The following PLD5 variants were observed in gnomAD, a reference collection of about 807,000 sequenced individuals.
PLD5 encodes inactive phospholipase D5.
A neutral mutation model predicts 61.1 loss-of-function variants in PLD5; 36 were observed. The observed-to-expected ratio is 0.59, with a 90% CI of 0.45 to 0.78. The LOEUF is 0.78. Among genes scored for constraint, PLD5 ranks in the 30% least tolerant of loss-of-function variants. The pLI is 0.00. For synonymous variants in PLD5, 243 were observed against 242.8 expected (o/e 1.00, Z -0.01); for missense variants, 515 against 644.4 (o/e 0.80, Z 2.17).
chr1:242,276,222 T>C (rs918282227), intron 3 of PLD5, among the ~76,000 whole-genome samples: 2 of 150,962 alleles, frequency 1.3e-5, no homozygotes, highest in Non-Finnish European at 2.9e-5. Context: ...CCTATAGTTC[T>C]AGCTACTTGA....
intron 5 of PLD5, among the ~76,000 whole-genome samples, chr1:242,136,367 G>A (rs533260526): frequency 8.5e-5 from 13 of 152,198 alleles, no homozygotes; most frequent in African/African-American, 2.6e-4. Context: ...GTGCTGTATC[G>A]TAATATACTC....
rs189262394 is a variant in PLD5, at chr1:242,425,735, C to T, written c.190-77493G>A. 3.0e-3 allele frequency among the ~76,000 whole-genome samples: 458 copies of T among 151,552 alleles called. 2 individuals carry two copies. Among genetic ancestry groups the T allele is most frequent in the African/African-American group, 0.01 (428 of 41,218 alleles). On this transcript the variant is annotated intron_variant, in intron 1 of 9. Coordinates refer to ENST00000536534, the MANE Select transcript of PLD5 (RefSeq NM_001372062.1). The stretch of plus-strand genomic sequence containing the variant: ...TCAGCTCACTCTAAGTTCCACCTCC[C>T]GGGTTCACACCATTCTCCTGCCTCA...
chr1:242,504,759 C>T (rs1324967706), intron 1 of PLD5, among the ~76,000 whole-genome samples: 1 of 151,786 alleles, frequency 6.6e-6, no homozygotes, highest in Non-Finnish European at 1.5e-5. Flanking sequence ...CATGATTTTC[C>T]CAAATATTTT....
chr1:242,404,218 A>G (rs954607866), intron 1 of PLD5, among the ~76,000 whole-genome samples: 5 of 152,184 alleles, frequency 3.3e-5, no homozygotes, highest in Non-Finnish European at 7.3e-5. Context: ...AGAATAAAAC[A>G]GGGGGACCTA....
At chr1:242,160,757 C>T (rs190731635) in intron 5 of PLD5, among the ~76,000 whole-genome samples, 33 of 152,060 alleles carry the variant, frequency 2.2e-4, no homozygotes, top group Non-Finnish European at 3.8e-4. Context: ...TGGTTGCACA[C>T]GCCTGTAGTC....
At chr1:242,257,328 T>C (rs1332587751) in intron 4 of PLD5, among the ~76,000 whole-genome samples, 1 of 152,156 alleles carries the variant, frequency 6.6e-6, no homozygotes, top group East Asian at 1.9e-4. Flanking sequence ...CTTATAGGTC[T>C]GTGTGCAGGA....
chr1:242,186,411 C>T (rs7531503), intron 5 of PLD5, among the ~76,000 whole-genome samples: 2 of 152,028 alleles, frequency 1.3e-5, no homozygotes, highest in Non-Finnish European at 2.9e-5. Context: ...TTGAACTCCT[C>T]ACCTCAAGTG....
At chr1:242,238,260 C>G (rs1361037135) in intron 4 of PLD5, among the ~76,000 whole-genome samples, 3 of 152,176 alleles carry the variant, frequency 2.0e-5, no homozygotes, top group Non-Finnish European at 4.4e-5. Context: ...GTCCTGAAAA[C>G]AATAAAACAC....
At chr1:242,111,108 G>A (rs1187187909) in intron 7 of PLD5, among the ~76,000 whole-genome samples, 7 of 150,472 alleles carry the variant, frequency 4.7e-5, no homozygotes, top group Admixed American at 1.3e-4. Flanking sequence ...CCAGGCTGGC[G>A]TGCAATGGCG....
intron 5 of PLD5, among the ~76,000 whole-genome samples, chr1:242,218,202 T>C (rs1005111425): frequency 3.3e-5 from 5 of 152,166 alleles, no homozygotes; most frequent in Non-Finnish European, 7.4e-5. Context: ...GGCAAAACCC[T>C]CCACCAGCAA....
At chr1:242,455,048 C>T (rs947351074) in intron 1 of PLD5, among the ~76,000 whole-genome samples, 2 of 152,144 alleles carry the variant, frequency 1.3e-5, no homozygotes, top group Non-Finnish European at 2.9e-5. Context: ...AAAATACGGG[C>T]GTAAATGCCT....
At chr1:242,165,824 C>T (rs893814237) in intron 5 of PLD5, among the ~76,000 whole-genome samples, 25 of 152,136 alleles carry the variant, frequency 1.6e-4, no homozygotes, top group Non-Finnish European at 2.8e-4. Context: ...CTGGGTTCCT[C>T]GTTTTCCCAG....
chr1:242,467,922 GC>G (rs975417541), intron 1 of PLD5, among the ~76,000 whole-genome samples: 3 of 151,332 alleles, frequency 2.0e-5, no homozygotes, highest in African/African-American at 4.9e-5. Context: ...CAGTAGAACC[GC>G]CCCCCAAAGC....
chr1:242,416,726 T>C (rs897668828), intron 1 of PLD5, among the ~76,000 whole-genome samples: 3 of 152,218 alleles, frequency 2.0e-5, no homozygotes, highest in Non-Finnish European at 4.4e-5. Flanking sequence ...AATAAAATCT[T>C]GTTTCTTTGG....
chr1:242,434,860 A>G lies in PLD5; in HGVS notation c.190-86618T>C, dbSNP rs551215770. 2.6e-5 allele frequency among the ~76,000 whole-genome samples: 4 copies of G among 152,216 alleles called. No homozygotes were observed. In the South Asian group the frequency reaches 6.2e-4, roughly 24 times the overall value. On this transcript the variant is annotated intron_variant, in intron 1 of 9. Coordinates refer to ENST00000536534, the MANE Select transcript of PLD5 (RefSeq NM_001372062.1). ...GATCTCCTGACCTCGTGATCTGCCC[A>G]CCTTGGCCTTCCAATTTAATTTTAC...
intron 3 of PLD5, among the ~76,000 whole-genome samples, chr1:242,278,520 T>G (rs1181313031): frequency 6.6e-6 from 1 of 152,152 alleles, no homozygotes; most frequent in African/African-American, 2.4e-5. Context: ...AATGGCAGCA[T>G]GAAGCAGCAG....
At chr1:242,215,031 C>T (rs942899523) in intron 5 of PLD5, among the ~76,000 whole-genome samples, 3 of 143,606 alleles carry the variant, frequency 2.1e-5, no homozygotes, top group East Asian at 2.1e-4. Flanking sequence ...TGCCTGCCAC[C>T]GTGCCTGGCC....
intron 1 of PLD5, among the ~76,000 whole-genome samples, chr1:242,429,919 G>A (rs891904823): frequency 2.0e-5 from 3 of 148,566 alleles, no homozygotes; most frequent in Non-Finnish European, 3.0e-5. Flanking sequence ...TCATTTTTAG[G>A]TCATTTTTTT....
intron 2 of PLD5, among the ~76,000 whole-genome samples, chr1:242,300,463 A>G (rs981016659): frequency 2.0e-3 from 3 of 1,524 alleles, no homozygotes; most frequent in African/African-American, 2.8e-3. Flanking sequence ...AGAAAGAAAG[A>G]AAGAAAGAAA....
Sources: gnomAD v4.1 joint callset for allele counts (sites outside exome capture counted in the v4.1 genomes callset) on GRCh38, gnomAD v4.1.1 for gene constraint, MANE v1.5 for transcripts, NCBI Gene and HGNC (gene_info 2026-07-23, HGNC 2026-07-21) for gene names.